NLGN1: variants seen among roughly 807,000 people sequenced by gnomAD.
The protein encoded by NLGN1 is neuroligin 1.
In NLGN1, 12 loss-of-function variants were observed where a neutral mutation model predicts 65.5. The observed-to-expected ratio is 0.18, with a 90% CI of 0.12 to 0.30. NLGN1 has a LOEUF of 0.30. NLGN1 is among the 10% of genes least tolerant of loss of function. The probability of loss-of-function intolerance (pLI) is 1.00; values close to 1 mark genes in which losing one functional copy is unlikely to be tolerated. For synonymous variants in NLGN1, 350 were observed against 359.5 expected, an observed-to-expected ratio of 0.97 and a Z score of 0.30; for missense variants, 750 against 1,007.1, an observed-to-expected ratio of 0.74 and a Z score of 3.46.
At chr3:174,174,538 T>C (rs571377836) in intron 4 of NLGN1, among the ~76,000 whole-genome samples, 18 of 152,204 alleles carry the variant, frequency 1.2e-4, no homozygotes, top group African/African-American at 4.3e-4. Context: ...TAAGGTGATA[T>C]CGCATTGTGG....
intron 4 of NLGN1, among the ~76,000 whole-genome samples, chr3:174,250,912 T>C (rs73882740): frequency 0.12 from 17,998 of 152,098 alleles, 1,819 homozygotes; most frequent in African/African-American, 0.27. Context: ...TTTTGTTTTG[T>C]TTTGTTTTAC....
At chr3:173,431,524 T>C (rs1349754385) in intron 1 of NLGN1, among the ~76,000 whole-genome samples, 1 of 152,156 alleles carries the variant, frequency 6.6e-6, no homozygotes, top group Non-Finnish European at 1.5e-5. Context: ...CAGTAATCAA[T>C]TTTTTGCATG....
chr3:174,052,298 C>G (rs747768146), intron 4 of NLGN1, among the ~76,000 whole-genome samples: 1 of 151,740 alleles, frequency 6.6e-6, no homozygotes, highest in African/African-American at 2.4e-5. Context: ...GATTTGGGGC[C>G]CTTTTGATAG....
At chr3:174,083,801 T>TA (rs59402160) in intron 4 of NLGN1, among the ~76,000 whole-genome samples, 1,648 of 145,242 alleles carry the variant, frequency 0.011, 16 homozygotes, top group Middle Eastern at 0.038. Context: ...AAGGAACAGG[T>TA]AAAAAAAAAA....
chr3:173,765,494 T>C (rs958820034), intron 3 of NLGN1, among the ~76,000 whole-genome samples: 1 of 152,162 alleles, frequency 6.6e-6, no homozygotes, highest in Non-Finnish European at 1.5e-5. Flanking sequence ...CTCCCTTGTC[T>C]TTCTGTTTTG....
At chr3:174,275,613 T>A in intron 5 of NLGN1, 86 bp downstream of exon 5, 1 of 778,956 alleles carries the variant, frequency 1.3e-6, no homozygotes, top group Non-Finnish European at 2.2e-6. Flanking sequence ...TATATTTCTC[T>A]GTTCAAACTG....
At chr3:173,822,602 A>T (rs2150543457) in intron 4 of NLGN1, among the ~76,000 whole-genome samples, 1 of 152,262 alleles carries the variant, frequency 6.6e-6, no homozygotes, top group Non-Finnish European at 1.5e-5. Flanking sequence ...TCCAAAATCC[A>T]AAGAAATCTG....
intron 3 of NLGN1, among the ~76,000 whole-genome samples, chr3:173,616,093 T>G (rs896123416): frequency 8.4e-6 from 1 of 119,410 alleles, no homozygotes; most frequent in Admixed American, 9.3e-5. Context: ...ACAGGAGAGG[T>G]ATCTGTGGTT....
intron 4 of NLGN1, 52 bp downstream of exon 4, chr3:173,807,884 G>T: frequency 6.4e-7 from 1 of 1,564,618 alleles, no homozygotes; most frequent in Non-Finnish European, 8.8e-7. Flanking sequence ...AGTATGTGAT[G>T]GTTTTGTTTT....
intron 4 of NLGN1, among the ~76,000 whole-genome samples, chr3:173,876,138 C>T (rs949341689): frequency 2.6e-5 from 4 of 151,980 alleles, no homozygotes; most frequent in Non-Finnish European, 5.9e-5. Context: ...TTAAAAATGT[C>T]AAGTTGGTAG....
intron 4 of NLGN1, among the ~76,000 whole-genome samples, chr3:174,010,380 A>C (rs291927): frequency 0.69 from 105,144 of 152,006 alleles, 37,125 homozygotes; most frequent in Admixed American, 0.8. Context: ...TCAACATGTT[A>C]ATCCCAAATA....
intron 4 of NLGN1, among the ~76,000 whole-genome samples, chr3:174,263,019 T>C (rs1407987124): frequency 7.7e-6 from 1 of 129,420 alleles, no homozygotes; most frequent in Non-Finnish European, 1.6e-5. Flanking sequence ...TAATCCTGAG[T>C]TCTAGTTTGA....
At chr3:173,607,456 G>T (rs1273534368) in intron 3 of NLGN1, among the ~76,000 whole-genome samples, 3 of 151,408 alleles carry the variant, frequency 2.0e-5, no homozygotes, top group Non-Finnish European at 4.4e-5. Context: ...TTAGCTCTTT[G>T]TACATTATCC....
intron 4 of NLGN1, among the ~76,000 whole-genome samples, chr3:174,172,994 C>T (rs570320445): frequency 1.3e-5 from 2 of 152,132 alleles, no homozygotes; most frequent in East Asian, 1.9e-4. Flanking sequence ...CAATTTCGTG[C>T]AGCAACAATG....
At position 174,107,922 on chromosome 3, in the gene NLGN1, C is replaced by T. The variant is rs534688755; in HGVS notation, c.647-167393C>T. 2.0e-5 allele frequency among the ~76,000 whole-genome samples: 3 copies of T among 152,238 alleles called. No individual in the cohort carries two copies. The East Asian group carries it at 5.8e-4, about 29-fold the overall frequency. ...TTTTTATGTGCGTATTTGCTATCAACATATCCTATTCAATGGAAATGGCTC... is the reference window on the plus strand; with the variant it reads ...TTTTTATGTGCGTATTTGCTATCAATATATCCTATTCAATGGAAATGGCTC... On this transcript the variant is annotated intron_variant, in intron 4 of 6. Coordinates refer to ENST00000457714, the Ensembl canonical transcript of NLGN1.
intron 4 of NLGN1, among the ~76,000 whole-genome samples, chr3:174,193,623 G>T (rs1416594562): frequency 6.6e-6 from 1 of 152,110 alleles, no homozygotes; most frequent in East Asian, 1.9e-4. Context: ...TATTACATGA[G>T]AAATAAGCTG....
At chr3:174,102,548 C>T (rs1712779144) in intron 4 of NLGN1, among the ~76,000 whole-genome samples, 1 of 151,944 alleles carries the variant, frequency 6.6e-6, no homozygotes, top group East Asian at 1.9e-4. Context: ...GAAATGAGAG[C>T]CGTATTCAAA....
chr3:173,632,203 G>T (rs565593173), intron 3 of NLGN1, among the ~76,000 whole-genome samples: 2 of 152,260 alleles, frequency 1.3e-5, no homozygotes, highest in African/African-American at 4.8e-5. Context: ...ATTTTGCTGA[G>T]GGCAGCATCG....
intron 3 of NLGN1, among the ~76,000 whole-genome samples, chr3:173,783,571 G>A (rs1240142459): frequency 6.6e-6 from 1 of 152,150 alleles, no homozygotes; most frequent in Non-Finnish European, 1.5e-5. Flanking sequence ...ACATGTTCTA[G>A]TATATTTTAC....
Sources: gnomAD v4.1 joint callset for allele counts (sites outside exome capture counted in the v4.1 genomes callset) on GRCh38, gnomAD v4.1.1 for gene constraint, MANE v1.5 for transcripts, NCBI Gene and HGNC (gene_info 2026-07-23, HGNC 2026-07-21) for gene names.